ABCC4: variants seen among roughly 807,000 people sequenced by gnomAD.
ABCC4 encodes the protein ATP-binding cassette sub-family C member 4.
ABCC4 carries 102 observed loss-of-function variants against 168.5 expected under a neutral mutation model. The observed-to-expected ratio is 0.61, with a 90% CI of 0.52 to 0.71. ABCC4 has a LOEUF of 0.71. Ranked by LOEUF, ABCC4 falls within the 30% of genes least tolerant of loss-of-function variation. The probability of loss-of-function intolerance (pLI) is 0.00; values close to 1 mark genes in which losing one functional copy is unlikely to be tolerated. For missense variants in ABCC4, 1,402 were observed against 1,605.8 expected (o/e 0.87, Z 2.17); for synonymous variants, 617 against 590.7 (o/e 1.04, Z -0.65).
At position 95,247,653 on chromosome 13, in the gene ABCC4, C is replaced by G; in HGVS notation, c.175G>C (p.Glu59Gln). ...CTGCCTCCGACTTACCCTTGCAACT[C>G]CTCTCCAAGGTGCTGTGAGCGGTCT... ...PEDRSQHLGE[E>Q]LQGFWDKEVL... The change falls in exon 2 of 31, where the codon GAG becomes CAG. Residue 59 changes from glutamate (E) to glutamine (Q), a missense_variant. Physicochemically the swap from Glu to Gln is conservative, Grantham distance 29 (BLOSUM62 2). Transcript: ENST00000645237. 6.2e-7 allele frequency: 1 copy of G among 1,613,532 alleles called. No individual in the cohort carries two copies. The highest frequency in any genetic ancestry group is 8.5e-7 in the Non-Finnish European group (1 of 1,179,566).
chr13:95,273,856 C>T (rs1414650243), intron 1 of ABCC4, among the ~76,000 whole-genome samples: 1 of 133,422 alleles, frequency 7.5e-6, no homozygotes, highest in African/African-American at 2.9e-5. Context: ...CTTGCTGTTG[C>T]CCAGGCTGGA....
chr13:95,094,580 T>C (rs2034531996), intron 20 of ABCC4, among the ~76,000 whole-genome samples: 1 of 152,034 alleles, frequency 6.6e-6, no homozygotes, highest in Admixed American at 6.5e-5. Context: ...GAAGATAACA[T>C]TGGAAAAACC....
intron 1 of ABCC4, among the ~76,000 whole-genome samples, chr13:95,263,381 T>A (rs1358920806): frequency 6.6e-6 from 1 of 152,172 alleles, no homozygotes; most frequent in Non-Finnish European, 1.5e-5. Flanking sequence ...GCTCCACTAG[T>A]AACAAGAACC....
intron 20 of ABCC4, among the ~76,000 whole-genome samples, chr13:95,089,927 G>A (rs1250898499): frequency 1.3e-5 from 2 of 151,254 alleles, no homozygotes; most frequent in African/African-American, 4.9e-5. Flanking sequence ...CATGGCAGAC[G>A]AGAGGCAGGA....
chr13:95,292,295 G>C (rs1023302209), intron 1 of ABCC4, among the ~76,000 whole-genome samples: 5 of 152,190 alleles, frequency 3.3e-5, no homozygotes, highest in Non-Finnish European at 7.3e-5. Context: ...GGAGGTGAAA[G>C]TTGCAGTGAA....
intron 1 of ABCC4, among the ~76,000 whole-genome samples, chr13:95,267,612 G>A (rs1341041857): frequency 6.6e-6 from 1 of 152,160 alleles, no homozygotes; most frequent in East Asian, 1.9e-4. Flanking sequence ...GGAGTGGAGG[G>A]GAAGGAAGTC....
intron 1 of ABCC4, chr13:95,269,256 C>T (rs2040772921): frequency 4.4e-6 from 2 of 451,030 alleles, no homozygotes; most frequent in East Asian, 1.4e-4. Context: ...ATTTGCCATA[C>T]CTAAATCTTC....
intron 8 of ABCC4, among the ~76,000 whole-genome samples, chr13:95,204,902 A>G (rs2038736478): frequency 1.3e-5 from 2 of 152,192 alleles, no homozygotes; most frequent in African/African-American, 4.8e-5. Flanking sequence ...ACACACACCA[A>G]CACCTGCAAT....
chr13:95,061,158 G>C (rs543439729), intron 26 of ABCC4, among the ~76,000 whole-genome samples: 1 of 152,166 alleles, frequency 6.6e-6, no homozygotes, highest in Non-Finnish European at 1.5e-5. Context: ...CGATGGACAC[G>C]AGCTATTTCC....
chr13:95,243,383 TG>T (rs1343183728), intron 3 of ABCC4, among the ~76,000 whole-genome samples: 1 of 152,210 alleles, frequency 6.6e-6, no homozygotes, highest in East Asian at 1.9e-4. Flanking sequence ...CCAGAGCCTT[TG>T]ATAAGTAAAA....
intron 6 of ABCC4, 116 bp downstream of exon 6, chr13:95,209,318 C>T (rs2038882051): frequency 8.1e-7 from 1 of 1,227,008 alleles, no homozygotes; most frequent in South Asian, 1.5e-5. Context: ...AGAGCTGCAA[C>T]ATATGCAAGG....
At position 95,161,192 on chromosome 13, in the gene ABCC4, T is replaced by C. The variant is rs2037086820; in HGVS notation, c.2452A>G (p.Ile818Val). The C allele has an allele frequency of 1.3e-5, 21 of 1,598,662 alleles. No individual in the cohort carries two copies. In the East Asian group the frequency reaches 4.1e-4, roughly 31 times the overall value. Residue 818 changes from isoleucine to valine, a missense_variant, in exon 19 of 31, where the codon ATA becomes GTA. By Grantham distance (29) the Ile-to-Val change is conservative (BLOSUM62 3). Transcript: ENST00000645237. ...APVLFFDRNP[I>V]GRILNRFSKD... ...AGAAACTTGGTGTCAGACTTACCTA[T>C]TGGATTTCTATCAAAGAATAATACC...
At chr13:95,171,975 C>G (rs2037492987) in intron 13 of ABCC4, among the ~76,000 whole-genome samples, 1 of 152,054 alleles carries the variant, frequency 6.6e-6, no homozygotes, top group Admixed American at 6.6e-5. Context: ...TGCCATTAGT[C>G]CTTTTATATA....
At chr13:95,060,878 A>G (rs543738179) in intron 26 of ABCC4, among the ~76,000 whole-genome samples, 4 of 152,290 alleles carry the variant, frequency 2.6e-5, no homozygotes, top group Non-Finnish European at 5.9e-5. Flanking sequence ...CTGAAGTCCT[A>G]TGTGAAATAA....
intron 4 of ABCC4, among the ~76,000 whole-genome samples, chr13:95,211,927 C>T (rs1340873824): frequency 6.6e-6 from 1 of 152,006 alleles, no homozygotes; most frequent in East Asian, 1.9e-4. Flanking sequence ...CACCTGTAAT[C>T]CCAGCACTTA....
rs143017700 is a variant in ABCC4 at position 95,039,992 on chromosome 13, G to C, written c.3735+3690C>G. Among the ~76,000 whole-genome samples, 475 of 152,288 alleles carry C rather than the reference G, an allele frequency of 3.1e-3. 2 individuals carry two copies. Among genetic ancestry groups the C allele is most frequent in the African/African-American group, 0.011 (460 of 41,550 alleles). Reference sequence around the variant, plus strand: ...TCGTTTCTGGGCCACCATGATGAAAGGGGTGTACGGAGAGTCATCTGACGT... The same window carrying C: ...TCGTTTCTGGGCCACCATGATGAAACGGGTGTACGGAGAGTCATCTGACGT... On this transcript the variant is annotated intron_variant, in intron 29 of 30. Transcript: ENST00000645237.
At chr13:95,193,268 G>T (rs1309228359) in intron 9 of ABCC4, among the ~76,000 whole-genome samples, 1 of 152,210 alleles carries the variant, frequency 6.6e-6, no homozygotes, top group Non-Finnish European at 1.5e-5. Context: ...ACGCTACAAC[G>T]CAAGGTCAGC....
intron 4 of ABCC4, among the ~76,000 whole-genome samples, chr13:95,232,220 G>A (rs569033754): frequency 1.3e-4 from 20 of 152,106 alleles, no homozygotes; most frequent in African/African-American, 3.1e-4. Flanking sequence ...TGTCACACAT[G>A]AGGAATCCGG....
intron 1 of ABCC4, among the ~76,000 whole-genome samples, chr13:95,273,924 T>C (rs976043208): frequency 6.6e-6 from 1 of 150,808 alleles, no homozygotes. Flanking sequence ...TCACGCGATA[T>C]CTGATGCTTT....
Sources: gnomAD v4.1 joint callset for allele counts (sites outside exome capture counted in the v4.1 genomes callset) on GRCh38, gnomAD v4.1.1 for gene constraint, MANE v1.5 for transcripts, NCBI Gene and HGNC (gene_info 2026-07-23, HGNC 2026-07-21) for gene names.